Variants in DLGAP2 observed in about 807,000 individuals in gnomAD.
DLGAP2 encodes the protein disks large-associated protein 2.
A neutral mutation model predicts 100.3 loss-of-function variants in DLGAP2; 26 were observed. That is an observed-to-expected ratio of 0.26 (90% confidence interval 0.19 to 0.36). The LOEUF (loss-of-function observed/expected upper bound fraction) is 0.36, where lower values mean the gene tolerates loss of function less well. Ranked by LOEUF, DLGAP2 falls within the 10% of genes least tolerant of loss-of-function variation. The pLI is 1.00. For synonymous variants in DLGAP2, 886 were observed against 630.1 expected (o/e 1.41, Z -6.08); for missense variants, 1,858 against 1,453.2 (o/e 1.28, Z -4.53).
chr8:1,049,441 C>A (rs560670156), intron 2 of DLGAP2, among the ~76,000 whole-genome samples: 6 of 152,198 alleles, frequency 3.9e-5, no homozygotes, highest in African/African-American at 1.4e-4. Flanking sequence ...ATGTTTCTTT[C>A]TAAACACCCT....
intron 3 of DLGAP2, among the ~76,000 whole-genome samples, chr8:1,412,898 C>G (rs961552449): frequency 2.6e-5 from 4 of 152,198 alleles, no homozygotes; most frequent in African/African-American, 7.2e-5. Context: ...TCCTGTCTCC[C>G]TGTCTCTGAC....
intron 2 of DLGAP2, among the ~76,000 whole-genome samples, chr8:1,213,229 T>C (rs1798143073): frequency 1.3e-5 from 2 of 152,194 alleles, no homozygotes; most frequent in African/African-American, 4.8e-5. Context: ...GTGGCTTTCC[T>C]GGGATTAAAT....
intron 2 of DLGAP2, among the ~76,000 whole-genome samples, chr8:912,912 C>T (rs1247828079): frequency 6.6e-6 from 1 of 152,242 alleles, no homozygotes; most frequent in Non-Finnish European, 1.5e-5. Flanking sequence ...TGGTGCCCGC[C>T]TTCCTCTCTG....
intron 5 of DLGAP2, among the ~76,000 whole-genome samples, chr8:1,563,352 C>T (rs1483050293): frequency 2.9e-5 from 1 of 34,320 alleles, no homozygotes; most frequent in African/African-American, 1.5e-4. Flanking sequence ...TTGGGGTGTC[C>T]GCGCCTCATT....
At chr8:746,354 G>A (rs1820617794) in intron 1 of DLGAP2, among the ~76,000 whole-genome samples, 1 of 152,244 alleles carries the variant, frequency 6.6e-6, no homozygotes, top group Admixed American at 6.5e-5. Flanking sequence ...TGTGAGGTCA[G>A]TGCTGGCATT....
chr8:1,237,410 T>A (rs1798685959), intron 2 of DLGAP2, among the ~76,000 whole-genome samples: 1 of 134,500 alleles, frequency 7.4e-6, no homozygotes, highest in Non-Finnish European at 1.6e-5. Context: ...TAGTTACCTA[T>A]CACATGGTGC....
At chr8:1,613,151 A>T (rs1389203653) in intron 6 of DLGAP2, among the ~76,000 whole-genome samples, 34 of 146,096 alleles carry the variant, frequency 2.3e-4, no homozygotes, top group African/African-American at 8.8e-4. Flanking sequence ...CCAAATGTCC[A>T]ACAATGATAG....
At chr8:1,195,444 T>A (rs756887088) in intron 2 of DLGAP2, among the ~76,000 whole-genome samples, 1 of 152,214 alleles carries the variant, frequency 6.6e-6, no homozygotes, top group South Asian at 2.1e-4. Flanking sequence ...GGAAACAGGC[T>A]GCACAGTGAA....
rs200278644 is a variant in DLGAP2 at position 1,282,990 on chromosome 8, GC to G, written c.106+24112del. Reference sequence around the variant, plus strand: ...CTGGACGTGGTGTGACCTGAATCCAGCCCCCTGAACCATACGGACATGGTGT... The same window carrying G: ...CTGGACGTGGTGTGACCTGAATCCAGCCCCTGAACCATACGGACATGGTGT... On this transcript the variant is annotated intron_variant, in intron 3 of 14. Transcript: ENST00000637795. Among the ~76,000 whole-genome samples the G allele has an allele frequency of 7.0e-3, 892 of 126,830 alleles. 16 individuals are homozygous for G. Among genetic ancestry groups the G allele is most frequent in the African/African-American group, 0.026 (850 of 32,382 alleles). 83.2% of individuals were successfully genotyped at this position (126,830 alleles called of 152,430 possible). A position where few individuals can be genotyped will look rare whatever the true frequency, so the allele number is the denominator to read the frequency against.
chr8:1,102,047 C>T (rs375331633), intron 2 of DLGAP2, among the ~76,000 whole-genome samples: 32 of 151,982 alleles, frequency 2.1e-4, no homozygotes, highest in African/African-American at 7.5e-4. Context: ...TATAGGGGAA[C>T]ATTCAATTCA....
intron 2 of DLGAP2, among the ~76,000 whole-genome samples, chr8:1,177,775 C>G (rs1797291815): frequency 6.6e-6 from 1 of 152,170 alleles, no homozygotes; most frequent in Non-Finnish European, 1.5e-5. Flanking sequence ...TAGACCACAC[C>G]TGCTGTGCCC....
chr8:1,112,539 C>T (rs554253141), intron 2 of DLGAP2, among the ~76,000 whole-genome samples: 3 of 152,088 alleles, frequency 2.0e-5, no homozygotes, highest in South Asian at 2.1e-4. Flanking sequence ...CGCGCCCGGG[C>T]GTCCTTTGCC....
At chr8:1,577,741 G>T (rs1803049513) in intron 6 of DLGAP2, among the ~76,000 whole-genome samples, 1 of 152,162 alleles carries the variant, frequency 6.6e-6, no homozygotes, top group South Asian at 2.1e-4. Context: ...AGTGAGAGGA[G>T]CCTGCAGGAC....
chr8:1,308,733 C>T (rs1800547721), intron 3 of DLGAP2, among the ~76,000 whole-genome samples: 1 of 152,072 alleles, frequency 6.6e-6, no homozygotes. Flanking sequence ...CCATGTTGGT[C>T]AGGCTGGTCT....
intron 3 of DLGAP2, among the ~76,000 whole-genome samples, chr8:1,344,213 G>GTCC (rs1801502384): frequency 1.3e-5 from 2 of 152,154 alleles, no homozygotes; most frequent in African/African-American, 4.8e-5. Flanking sequence ...CCTGTCGTGG[G>GTCC]GCCTGTGCCG....
At chr8:1,100,653 T>C (rs559751547) in intron 2 of DLGAP2, among the ~76,000 whole-genome samples, 27 of 152,314 alleles carry the variant, frequency 1.8e-4, no homozygotes, top group African/African-American at 6.5e-4. Flanking sequence ...TTTCAGAGGA[T>C]AATTGTCAGA....
chr8:1,453,280 G>C (rs571329594), intron 3 of DLGAP2, among the ~76,000 whole-genome samples: 1 of 152,294 alleles, frequency 6.6e-6, no homozygotes, highest in South Asian at 2.1e-4. Flanking sequence ...GGAGAAGCAG[G>C]AGGAGCCTGG....
At chr8:1,005,193 T>G (rs915105903) in intron 2 of DLGAP2, among the ~76,000 whole-genome samples, 1 of 152,154 alleles carries the variant, frequency 6.6e-6, no homozygotes, top group African/African-American at 2.4e-5. Flanking sequence ...CACCTACAGT[T>G]TGGAGCCCTT....
chr8:1,021,801 G>A (rs944367579), intron 2 of DLGAP2, among the ~76,000 whole-genome samples: 4 of 152,088 alleles, frequency 2.6e-5, no homozygotes, highest in African/African-American at 9.7e-5. Flanking sequence ...GTTGGAATGT[G>A]CACACCACTG....
Sources: allele counts gnomAD v4.1 joint callset (sites outside exome capture counted in the v4.1 genomes callset), GRCh38; gene constraint gnomAD v4.1.1; transcripts MANE v1.5; gene names NCBI Gene and HGNC (gene_info 2026-07-23, HGNC 2026-07-21).